PRKD1: variants seen among roughly 807,000 people sequenced by gnomAD.
PRKD1 encodes serine/threonine-protein kinase D1.
A neutral mutation model predicts 95.9 loss-of-function variants in PRKD1; 63 were observed. The ratio of observed to expected loss-of-function variants is 0.66; its 90% CI spans 0.54 to 0.81. The LOEUF (loss-of-function observed/expected upper bound fraction) is 0.81. Ranked by LOEUF, PRKD1 falls within the 30% of genes least tolerant of loss-of-function variation. PRKD1 has a pLI of 0.00. For synonymous variants in PRKD1, 425 were observed against 423.1 expected, an observed-to-expected ratio of 1.00 and a Z score of -0.05; for missense variants, 1,048 against 1,165.3, an observed-to-expected ratio of 0.90 and a Z score of 1.47.
intron 1 of PRKD1, among the ~76,000 whole-genome samples, chr14:29,795,418 G>A (rs1468092606): frequency 6.6e-6 from 1 of 152,056 alleles, no homozygotes; most frequent in East Asian, 1.9e-4. Context: ...TTGCAAGAAT[G>A]TGTTTTAAAT....
chr14:29,591,517 C>T (rs548310367), intron 16 of PRKD1, among the ~76,000 whole-genome samples: 89 of 152,140 alleles, frequency 5.8e-4, no homozygotes, highest in East Asian at 3.3e-3. Flanking sequence ...CAGTGCAAAA[C>T]GGCAGTTTAA....
intron 2 of PRKD1, among the ~76,000 whole-genome samples, chr14:29,700,184 A>G (rs529124892): frequency 6.1e-4 from 93 of 152,274 alleles, no homozygotes; most frequent in Non-Finnish European, 1.2e-3. Context: ...TCTTTAAAAA[A>G]ACCAGACATT....
chr14:29,917,341 T>C (rs1894926005), intron 1 of PRKD1, among the ~76,000 whole-genome samples: 1 of 152,208 alleles, frequency 6.6e-6, no homozygotes, highest in African/African-American at 2.4e-5. Flanking sequence ...AAACTTTTAT[T>C]AACACTTTAA....
chr14:29,771,473 G>A (rs1453261804), intron 1 of PRKD1, among the ~76,000 whole-genome samples: 1 of 152,154 alleles, frequency 6.6e-6, no homozygotes. Flanking sequence ...AGTTAGCACA[G>A]GTGGTAAACC....
intron 1 of PRKD1, among the ~76,000 whole-genome samples, chr14:29,787,051 C>T (rs566145906): frequency 5.3e-5 from 8 of 151,936 alleles, no homozygotes; most frequent in Middle Eastern, 3.4e-3. Context: ...TGTTCCGAGA[C>T]GTTTTTAAAT....
At chr14:29,849,577 C>CAACA (rs1371481591) in intron 1 of PRKD1, among the ~76,000 whole-genome samples, 1,850 of 139,690 alleles carry the variant, frequency 0.013, 27 homozygotes, top group African/African-American at 0.027. Flanking sequence ...ACAACAACAA[C>CAACA]AAAAAAAAAA....
chr14:29,867,816 G>T (rs1286461460), intron 1 of PRKD1, among the ~76,000 whole-genome samples: 4 of 152,176 alleles, frequency 2.6e-5, no homozygotes, highest in African/African-American at 4.8e-5. Flanking sequence ...ATGAATAAAT[G>T]AGCCAACAAC....
rs1218003756 is a variant in PRKD1, at chr14:29,805,573, C to T, written c.265-79899G>A. 3.3e-5 allele frequency among the ~76,000 whole-genome samples: 5 copies of T among 152,244 alleles called. No individual in the cohort carries two copies. The South Asian group carries it at 6.2e-4, about 19-fold the overall frequency. ...TGAGCACTTACTACGTGCCACGAAT[C>T]GTTCTAAATCCACAATGTAGAATAA... On this transcript the variant is annotated intron_variant, in intron 1 of 17. Transcript: ENST00000331968.
At chr14:29,912,822 G>A (rs1203522262) in intron 1 of PRKD1, among the ~76,000 whole-genome samples, 1 of 152,184 alleles carries the variant, frequency 6.6e-6, no homozygotes, top group African/African-American at 2.4e-5. Flanking sequence ...CTAAGTCCAT[G>A]TATTTTGCCT....
chr14:29,700,986 G>GCACACACACACACACACACA (rs779729017), intron 2 of PRKD1, among the ~76,000 whole-genome samples: 1,844 of 52,234 alleles, frequency 0.035, 28 homozygotes, highest in African/African-American at 0.099. Flanking sequence ...GCGCGCGCGC[G>GCACACACACACACACACACA]CGCACACACA....
intron 4 of PRKD1, among the ~76,000 whole-genome samples, chr14:29,661,089 A>T (rs1393227794): frequency 6.6e-6 from 1 of 152,226 alleles, no homozygotes; most frequent in Non-Finnish European, 1.5e-5. Context: ...CTATCTTAAC[A>T]TTAGAGAAAT....
intron 1 of PRKD1, among the ~76,000 whole-genome samples, chr14:29,917,344 C>T (rs545228351): frequency 6.6e-6 from 1 of 152,244 alleles, no homozygotes; most frequent in South Asian, 2.1e-4. Flanking sequence ...CTTTTATTAA[C>T]ACTTTAACCT....
chr14:29,763,753 A>T (rs1888132803), intron 1 of PRKD1, among the ~76,000 whole-genome samples: 1 of 151,236 alleles, frequency 6.6e-6, no homozygotes, highest in Admixed American at 6.6e-5. Flanking sequence ...GCACTTAAAG[A>T]CTCCTCTTTT....
At chr14:29,859,808 A>G (rs571138653) in intron 1 of PRKD1, among the ~76,000 whole-genome samples, 3 of 152,204 alleles carry the variant, frequency 2.0e-5, no homozygotes, top group Admixed American at 6.5e-5. Flanking sequence ...AAAGCATGCA[A>G]AAAGACGTGG....
Position 29,907,210 on chromosome 14 carries a change from C to T in PRKD1, c.264+20039G>A, listed in dbSNP as rs1340358133. 2.6e-5 allele frequency among the ~76,000 whole-genome samples: 4 copies of T among 151,890 alleles called. No individual in the cohort carries two copies. The South Asian group carries it at 6.2e-4, about 24-fold the overall frequency. On this transcript the variant is annotated intron_variant, in intron 1 of 17. Transcript: ENST00000331968. ...AATCCCCAGAAGCGACCCAAATCTC[C>T]GGGGCTTCTGTTTGTTTCCTCCAGC...
intron 1 of PRKD1, among the ~76,000 whole-genome samples, chr14:29,866,194 A>T (rs1426186161): frequency 2.0e-5 from 3 of 152,166 alleles, no homozygotes; most frequent in Non-Finnish European, 4.4e-5. Flanking sequence ...ACCAAAAAAA[A>T]AAAAGGTTTA....
At chr14:29,622,699 G>A (rs1359265643) in intron 13 of PRKD1, among the ~76,000 whole-genome samples, 3 of 152,090 alleles carry the variant, frequency 2.0e-5, no homozygotes, top group Admixed American at 6.6e-5. Context: ...CATCTCGGCC[G>A]GCCTTATTTT....
intron 13 of PRKD1, among the ~76,000 whole-genome samples, chr14:29,607,654 A>C (rs758309742): frequency 6.6e-6 from 1 of 152,134 alleles, no homozygotes; most frequent in Non-Finnish European, 1.5e-5. Context: ...TCACACTTTG[A>C]ATCTTTGTGA....
At chr14:29,616,341 T>C (rs1215000212) in intron 13 of PRKD1, among the ~76,000 whole-genome samples, 2 of 136,574 alleles carry the variant, frequency 1.5e-5, no homozygotes, top group African/African-American at 5.6e-5. Context: ...AAACAAGAAA[T>C]GAAAGAGGAG....
Sources: allele counts gnomAD v4.1 joint callset (sites outside exome capture counted in the v4.1 genomes callset), GRCh38; gene constraint gnomAD v4.1.1; transcripts MANE v1.5; gene names NCBI Gene and HGNC (gene_info 2026-07-23, HGNC 2026-07-21).